Variants in PRKN observed in about 807,000 individuals in gnomAD.
PRKN encodes E3 ubiquitin-protein ligase parkin.
Under a neutral mutation model 59.5 loss-of-function variants are expected in PRKN, and 56 were observed. The ratio of observed to expected loss-of-function variants is 0.94; its 90% CI spans 0.76 to 1.18. The LOEUF is 1.18. PRKN is among the 50% of genes most tolerant of loss of function. The pLI, the probability that PRKN is intolerant of heterozygous loss-of-function variation, is 0.00. For synonymous variants in PRKN, 250 were observed against 222.1 expected (o/e 1.13, Z -1.12); for missense variants, 657 against 596.4 (o/e 1.10, Z -1.06).
intron 6 of PRKN, among the ~76,000 whole-genome samples, chr6:161,943,103 A>C (rs1431124435): frequency 6.6e-6 from 1 of 152,230 alleles, no homozygotes; most frequent in Non-Finnish European, 1.5e-5. Flanking sequence ...AAAGTGTCTT[A>C]ATTTAGTTTT....
chr6:161,933,784 C>A (rs951658172), intron 6 of PRKN, among the ~76,000 whole-genome samples: 1 of 151,964 alleles, frequency 6.6e-6, no homozygotes, highest in African/African-American at 2.4e-5. Flanking sequence ...TTTCAGGGAA[C>A]CCCAGAAGTC....
At chr6:162,430,596 T>A (rs1462111258) in intron 2 of PRKN, among the ~76,000 whole-genome samples, 1 of 152,010 alleles carries the variant, frequency 6.6e-6, no homozygotes, top group Non-Finnish European at 1.5e-5. Flanking sequence ...TATATATATA[T>A]ATATCTTGTA....
chr6:162,606,442 G>A (rs1349150250), intron 1 of PRKN, among the ~76,000 whole-genome samples: 1 of 152,202 alleles, frequency 6.6e-6, no homozygotes, highest in Non-Finnish European at 1.5e-5. Flanking sequence ...AAAACAGGAT[G>A]GCTGTATGGG....
At chr6:162,018,188 G>A (rs1031483760) in intron 5 of PRKN, among the ~76,000 whole-genome samples, 1 of 152,026 alleles carries the variant, frequency 6.6e-6, no homozygotes, top group South Asian at 2.1e-4. Flanking sequence ...CGCCATGCCC[G>A]GCTAATTTTT....
chr6:161,465,882 G>A (rs1001880509), intron 9 of PRKN, among the ~76,000 whole-genome samples: 3 of 151,824 alleles, frequency 2.0e-5, no homozygotes, highest in African/African-American at 4.8e-5. Context: ...TGGATACTCT[G>A]GTCTATGTTT....
intron 1 of PRKN, among the ~76,000 whole-genome samples, chr6:162,467,414 C>A (rs185815735): frequency 6.6e-6 from 1 of 152,128 alleles, no homozygotes; most frequent in South Asian, 2.1e-4. Context: ...GCCCCCACTC[C>A]ACCCGCTCCT....
In PRKN at chr6:161,683,974, CA is replaced by C. The variant is rs1394050405; in HGVS notation, c.871+101797del. Among the ~76,000 whole-genome samples the C allele has an allele frequency of 6.6e-5, 10 of 152,166 alleles. No individual in the cohort carries two copies. The East Asian group carries it at 1.9e-3, about 29-fold the overall frequency. ...ATATCCCTGAATTATCTGCATAAAA[CA>C]AAGGGTAAAAGGGAGAAGGTGGATT... is the stretch of plus-strand genomic sequence containing the variant. On this transcript the variant is annotated intron_variant, in intron 7 of 11. Transcript: ENST00000366898.
At chr6:162,498,143 G>T (rs893884831) in intron 1 of PRKN, among the ~76,000 whole-genome samples, 1 of 152,058 alleles carries the variant, frequency 6.6e-6, no homozygotes, top group Non-Finnish European at 1.5e-5. Flanking sequence ...GTTGTGTTCA[G>T]TTCCACCTTT....
intron 7 of PRKN, among the ~76,000 whole-genome samples, chr6:161,691,551 AG>A (rs1785794754): frequency 6.6e-6 from 1 of 152,224 alleles, no homozygotes; most frequent in Non-Finnish European, 1.5e-5. Flanking sequence ...GAGCCTGTCT[AG>A]GTTATCTGCT....
chr6:162,612,606 A>C lies in PRKN; in HGVS notation c.7+115056T>G, dbSNP rs1782242297. On this transcript the variant is annotated intron_variant, in intron 1 of 11. Transcript: ENST00000366898. Reference sequence around the variant, plus strand: ...GAGTGAAACTCCATCTCAAAAAAAAAAAAAAAAAAAAACAGCAAAAAACAA... The same window carrying C: ...GAGTGAAACTCCATCTCAAAAAAAACAAAAAAAAAAAACAGCAAAAAACAA... 2.0e-5 allele frequency among the ~76,000 whole-genome samples: 3 copies of C among 151,766 alleles called. No individual in the cohort carries two copies. In the South Asian group the frequency reaches 6.2e-4, roughly 31 times the overall value.
chr6:162,701,265 G>A (rs1296667936), intron 1 of PRKN, among the ~76,000 whole-genome samples: 5 of 152,036 alleles, frequency 3.3e-5, no homozygotes, highest in African/African-American at 1.2e-4. Context: ...GGACTAAAAA[G>A]CAATGCTTAA....
chr6:161,658,321 C>T (rs550722311), intron 7 of PRKN, among the ~76,000 whole-genome samples: 7 of 152,180 alleles, frequency 4.6e-5, no homozygotes, highest in East Asian at 1.9e-4. Context: ...TACATGAGAT[C>T]GCATCACCTT....
chr6:162,177,880 A>G (rs767286343), intron 4 of PRKN, among the ~76,000 whole-genome samples: 8 of 152,200 alleles, frequency 5.3e-5, no homozygotes, highest in Admixed American at 2.6e-4. Context: ...CACAGGCCCA[A>G]AGCCATTGTC....
In PRKN at chr6:161,397,399, G is replaced by A. The variant is rs1487095434; in HGVS notation, c.1084-10522C>T. ...AGGGTCCCATAGAAGAGATCCAGGC[G>A]GGTTGAGGTCAGTGGGTAAGAGCAC... On this transcript the variant is annotated intron_variant, in intron 9 of 11. Coordinates refer to ENST00000366898, the MANE Select transcript of PRKN (RefSeq NM_004562.3). This position sits in a 1 kb window ranked among gnomAD's most constrained non-coding sequence, Gnocchi z 4.2. 6.6e-6 allele frequency among the ~76,000 whole-genome samples: 1 copy of A among 152,288 alleles called. No homozygotes were observed. The highest frequency in any genetic ancestry group is 6.5e-5 in the Admixed American group (1 of 15,300).
At chr6:161,507,845 C>T (rs557887277) in intron 9 of PRKN, among the ~76,000 whole-genome samples, 1 of 152,300 alleles carries the variant, frequency 6.6e-6, no homozygotes, top group Non-Finnish European at 1.5e-5. Flanking sequence ...ACTCCCTGAC[C>T]ACCCAAGTAA....
intron 1 of PRKN, among the ~76,000 whole-genome samples, chr6:162,591,406 T>C (rs890165604): frequency 2.0e-5 from 3 of 152,202 alleles, no homozygotes; most frequent in African/African-American, 7.2e-5. Context: ...TACATATTTA[T>C]GGTGCCCATG....
intron 5 of PRKN, among the ~76,000 whole-genome samples, chr6:162,047,904 GA>G (rs1336052097): frequency 1.3e-5 from 2 of 152,080 alleles, no homozygotes; most frequent in Admixed American, 1.3e-4. Context: ...CTAAGAGGGG[GA>G]AAGTGTGAAA....
intron 6 of PRKN, among the ~76,000 whole-genome samples, chr6:161,787,418 A>G (rs1790464969): frequency 6.6e-6 from 1 of 152,062 alleles, no homozygotes; most frequent in African/African-American, 2.4e-5. Flanking sequence ...TTCTAACCAA[A>G]CAGTCACTCG....
In PRKN at chr6:161,495,277, A is replaced by G. The variant is rs150045778; in HGVS notation, c.1083+53577T>C. ...GCTAGTGGCCACTGCATTGCCCGGC[A>G]TATCCTAGGGGAGGGAAGGAATCCT... On this transcript the variant is annotated intron_variant, in intron 9 of 11. Transcript: ENST00000366898. Among the ~76,000 whole-genome samples the G allele has an allele frequency of 2.2e-3, 338 of 152,290 alleles. 2 individuals are homozygous for G. Among genetic ancestry groups the G allele is most frequent in the African/African-American group, 8.0e-3 (331 of 41,558 alleles).
Sources: allele counts gnomAD v4.1 joint callset (sites outside exome capture counted in the v4.1 genomes callset), GRCh38; gene constraint gnomAD v4.1.1; non-coding constraint Gnocchi (gnomAD v3.1); transcripts MANE v1.5; gene names NCBI Gene and HGNC (gene_info 2026-07-23, HGNC 2026-07-21).